Variants in LIMS1 observed in about 807,000 individuals in gnomAD.
LIMS1 encodes the protein LIM zinc finger domain containing 1, also known as LIM and senescent cell antigen-like-containing domain protein 1.
Under a neutral mutation model 44.1 loss-of-function variants are expected in LIMS1, and 18 were observed. The observed-to-expected ratio is 0.41, with a 90% CI of 0.28 to 0.61. LIMS1 has a LOEUF of 0.61. LIMS1 is among the 20% of genes least tolerant of loss of function. The probability of loss-of-function intolerance (pLI) is 0.32; values close to 1 mark genes in which losing one functional copy is unlikely to be tolerated. For synonymous variants in LIMS1, 93 were observed against 149.1 expected, an observed-to-expected ratio of 0.62 and a Z score of 2.74; for missense variants, 201 against 422.0, an observed-to-expected ratio of 0.48 and a Z score of 4.59.
At chr2:108,611,739 C>A (rs921656093) in intron 1 of LIMS1, among the ~76,000 whole-genome samples, 2 of 150,534 alleles carry the variant, frequency 1.3e-5, no homozygotes, top group Non-Finnish European at 3.0e-5. Context: ...ATTAGCTGGG[C>A]GTGGTGGCAT....
intron 1 of LIMS1, among the ~76,000 whole-genome samples, chr2:108,570,386 C>T (rs1227250166): frequency 6.6e-6 from 1 of 150,872 alleles, no homozygotes; most frequent in Non-Finnish European, 1.5e-5. Context: ...GCCGAGATCT[C>T]ACCACTGCAT....
At chr2:108,612,048 A>T (rs1190533200) in intron 1 of LIMS1, among the ~76,000 whole-genome samples, 1 of 96,936 alleles carries the variant, frequency 1.0e-5, no homozygotes, top group African/African-American at 5.0e-5. Context: ...ACACACACAC[A>T]CACACATATA....
At chr2:108,579,237 A>T (rs1480036075) in intron 1 of LIMS1, among the ~76,000 whole-genome samples, 1 of 152,314 alleles carries the variant, frequency 6.6e-6, no homozygotes, top group Non-Finnish European at 1.5e-5. Context: ...AATGGTAATT[A>T]TGTTATTTTA....
intron 1 of LIMS1, among the ~76,000 whole-genome samples, chr2:108,552,635 C>G (rs1257707873): frequency 6.7e-6 from 1 of 149,070 alleles, no homozygotes; most frequent in Non-Finnish European, 1.5e-5. Context: ...GGGTGTTGCT[C>G]TGTCGGCCAT....
intron 1 of LIMS1, among the ~76,000 whole-genome samples, chr2:108,647,554 G>A (rs186331120): frequency 0.078 from 11,797 of 152,128 alleles, 614 homozygotes; most frequent in Non-Finnish European, 0.11. Flanking sequence ...ACATCAATGC[G>A]AAAATCCTCA....
At chr2:108,679,397 C>T (rs1232484015) in intron 8 of LIMS1, among the ~76,000 whole-genome samples, 1 of 151,850 alleles carries the variant, frequency 6.6e-6, no homozygotes, top group African/African-American at 2.4e-5. Flanking sequence ...GGAGAATCAC[C>T]TGAACCCGGG....
At chr2:108,590,983 G>C (rs1290756735) in intron 1 of LIMS1, among the ~76,000 whole-genome samples, 1 of 152,202 alleles carries the variant, frequency 6.6e-6, no homozygotes, top group Non-Finnish European at 1.5e-5. Flanking sequence ...ATTATCTACT[G>C]TGCTGGAATG....
rs1319175410 is a variant in LIMS1, at chr2:108,538,632, A to G, written c.32+4038A>G. ...GCATTTACAAGTAATGTTTACACAT[A>G]CTTTCCCTTTCTACAAAAATGGAAT... On this transcript the variant is annotated intron_variant, in intron 1 of 9. Coordinates refer to ENST00000544547, the Ensembl canonical transcript of LIMS1. 4.6e-5 allele frequency among the ~76,000 whole-genome samples: 7 copies of G among 152,194 alleles called. No individual in the cohort carries two copies. The East Asian group carries it at 1.2e-3, about 25-fold the overall frequency.
At chr2:108,638,814 C>T (rs928196779) in intron 1 of LIMS1, among the ~76,000 whole-genome samples, 46 of 150,984 alleles carry the variant, frequency 3.0e-4, no homozygotes, top group African/African-American at 1.1e-3. Context: ...GAGGCCGAGG[C>T]GGGTGGATCA....
intron 1 of LIMS1, among the ~76,000 whole-genome samples, chr2:108,554,294 T>C (rs981944652): frequency 5.3e-5 from 8 of 152,172 alleles, no homozygotes; most frequent in African/African-American, 1.9e-4. Context: ...TGATACCTAT[T>C]GCCCTTTACA....
chr2:108,622,919 A>C (rs1264039256), intron 1 of LIMS1, among the ~76,000 whole-genome samples: 1 of 151,836 alleles, frequency 6.6e-6, no homozygotes, highest in Admixed American at 6.6e-5. Flanking sequence ...AAAATAACGT[A>C]TATGCCAAGG....
intron 1 of LIMS1, among the ~76,000 whole-genome samples, chr2:108,595,200 G>A (rs902203774): frequency 6.6e-6 from 1 of 152,140 alleles, no homozygotes; most frequent in Non-Finnish European, 1.5e-5. Flanking sequence ...ACCGTATTTG[G>A]GTGGGGGTTG....
chr2:108,615,176 C>A (rs1223054978), intron 1 of LIMS1, among the ~76,000 whole-genome samples: 1 of 152,034 alleles, frequency 6.6e-6, no homozygotes, highest in Non-Finnish European at 1.5e-5. Context: ...AGTTTTAAGT[C>A]AAATTATGGG....
chr2:108,542,581 C>T (rs1372139619), intron 1 of LIMS1, among the ~76,000 whole-genome samples: 3 of 152,188 alleles, frequency 2.0e-5, no homozygotes, highest in African/African-American at 7.2e-5. Context: ...TTTTCCAAGT[C>T]TCAAGGCTTT....
At chr2:108,677,175 T>A (rs2433835) in intron 7 of LIMS1, 1 of 153,806 alleles carries the variant, frequency 6.5e-6, no homozygotes. Context: ...ACCCAGCCTC[T>A]GGCTGTGATG....
intron 1 of LIMS1, among the ~76,000 whole-genome samples, chr2:108,558,257 G>A (rs189727290): frequency 5.4e-5 from 8 of 148,972 alleles, no homozygotes; most frequent in South Asian, 2.1e-4. Flanking sequence ...TTGTTCTGTC[G>A]CCCAGGCTGG....
intron 1 of LIMS1, among the ~76,000 whole-genome samples, chr2:108,537,196 A>G (rs1385968458): frequency 1.3e-5 from 2 of 152,216 alleles, no homozygotes; most frequent in Non-Finnish European, 2.9e-5. Context: ...CTTCTTAGGA[A>G]TATCTTAGTA....
intron 1 of LIMS1, among the ~76,000 whole-genome samples, chr2:108,546,820 C>T (rs1249802986): frequency 6.6e-6 from 1 of 151,976 alleles, no homozygotes; most frequent in East Asian, 1.9e-4. Context: ...TATAAAGCAC[C>T]TGTAAATCAT....
intron 1 of LIMS1, among the ~76,000 whole-genome samples, chr2:108,560,231 A>C (rs574255806): frequency 1.3e-5 from 2 of 152,216 alleles, no homozygotes; most frequent in South Asian, 2.1e-4. Flanking sequence ...GCTCCAGTCT[A>C]TTCTTAACAC....
Sources: gnomAD v4.1 joint callset for allele counts (sites outside exome capture counted in the v4.1 genomes callset) on GRCh38, gnomAD v4.1.1 for gene constraint, MANE v1.5 for transcripts, NCBI Gene and HGNC (gene_info 2026-07-23, HGNC 2026-07-21) for gene names.